Variants in GRID2 observed in about 807,000 individuals in gnomAD.
GRID2 encodes the protein glutamate ionotropic receptor delta type subunit 2.
Under a neutral mutation model 114.8 loss-of-function variants are expected in GRID2, and 33 were observed. That is an observed-to-expected ratio of 0.29 (90% CI 0.22 to 0.38). The LOEUF (loss-of-function observed/expected upper bound fraction) is 0.38, where lower values mean the gene tolerates loss of function less well. Among genes scored for constraint, GRID2 ranks in the 10% least tolerant of loss-of-function variants. The pLI is 1.00. For synonymous variants in GRID2, 505 were observed against 449.9 expected (o/e 1.12, Z -1.55); for missense variants, 1,184 against 1,257.7 (o/e 0.94, Z 0.89).
chr4:92,947,567 T>C (rs1218650335), intron 2 of GRID2, among the ~76,000 whole-genome samples: 1 of 151,928 alleles, frequency 6.6e-6, no homozygotes, highest in African/African-American at 2.4e-5. Flanking sequence ...AAACTGACTA[T>C]ATCTTATGCT....
At chr4:93,469,781 G>A (rs1013957589) in intron 11 of GRID2, among the ~76,000 whole-genome samples, 1 of 152,066 alleles carries the variant, frequency 6.6e-6, no homozygotes, top group Non-Finnish European at 1.5e-5. Flanking sequence ...TATTAGGGCT[G>A]CACTTAATCT....
intron 4 of GRID2, among the ~76,000 whole-genome samples, chr4:93,117,868 C>T (rs887811687): frequency 6.6e-6 from 1 of 152,116 alleles, no homozygotes; most frequent in Non-Finnish European, 1.5e-5. Context: ...AAATAAAGTG[C>T]TTTTAAATAT....
intron 13 of GRID2, among the ~76,000 whole-genome samples, chr4:93,543,046 G>A (rs1732808404): frequency 6.6e-6 from 1 of 152,114 alleles, no homozygotes; most frequent in Non-Finnish European, 1.5e-5. Context: ...AAATGCGAGT[G>A]GTCTCCTAAT....
chr4:93,139,161 G>A (rs1053054398), intron 4 of GRID2, among the ~76,000 whole-genome samples: 2 of 152,172 alleles, frequency 1.3e-5, no homozygotes, highest in African/African-American at 4.8e-5. Flanking sequence ...AGACATGAAT[G>A]TTAATGCAAT....
intron 14 of GRID2, among the ~76,000 whole-genome samples, chr4:93,682,746 A>G (rs1725690756): frequency 7.1e-6 from 1 of 140,170 alleles, no homozygotes; most frequent in Non-Finnish European, 1.5e-5. Context: ...ACACATGGAC[A>G]CAGGAAGGGG....
chr4:92,388,805 G>A (rs984723392), intron 1 of GRID2, among the ~76,000 whole-genome samples: 4 of 151,832 alleles, frequency 2.6e-5, no homozygotes, highest in South Asian at 4.1e-4. Context: ...TTGAATCCCT[G>A]TTACAATTTT....
intron 13 of GRID2, among the ~76,000 whole-genome samples, chr4:93,519,415 C>T (rs965734088): frequency 7.9e-5 from 12 of 152,094 alleles, no homozygotes; most frequent in Non-Finnish European, 1.8e-4. Flanking sequence ...TAGTTACTGG[C>T]ATTAGCACCT....
At position 93,051,509 on chromosome 4, in the gene GRID2, A is replaced by G. The variant is rs934192719; in HGVS notation, c.245-33486A>G. Among the ~76,000 whole-genome samples the G allele has an allele frequency of 3.3e-5, 5 of 152,016 alleles. No homozygotes were observed. The East Asian group carries it at 5.8e-4, about 18-fold the overall frequency. On this transcript the variant is annotated intron_variant, in intron 2 of 15. Transcript: ENST00000282020. ...CAGATGCTCTCTTCATCAAGTGTGC[A>G]AGATAGGTCATTGTGATTCCCTCAA...
intron 1 of GRID2, among the ~76,000 whole-genome samples, chr4:92,308,721 A>T (rs1396493180): frequency 6.6e-6 from 1 of 151,998 alleles, no homozygotes; most frequent in East Asian, 1.9e-4. Context: ...TTCCCAGAAG[A>T]TGTGCTGTTC....
At chr4:92,486,700 A>G (rs1461857668) in intron 1 of GRID2, among the ~76,000 whole-genome samples, 1 of 152,022 alleles carries the variant, frequency 6.6e-6, no homozygotes, top group Non-Finnish European at 1.5e-5. Flanking sequence ...TAAGGGATTA[A>G]TATCCAAAAT....
intron 2 of GRID2, among the ~76,000 whole-genome samples, chr4:92,632,882 G>A (rs62309161): frequency 0.047 from 7,165 of 151,912 alleles, 211 homozygotes; most frequent in East Asian, 0.095. Flanking sequence ...AAATAATTTC[G>A]GATTTCATTA....
chr4:92,444,702 T>A (rs190153972), intron 1 of GRID2, among the ~76,000 whole-genome samples: 85 of 152,296 alleles, frequency 5.6e-4, no homozygotes, highest in Non-Finnish European at 4.0e-4. Flanking sequence ...GTCTTCTCTT[T>A]TTAAATATCC....
intron 1 of GRID2, among the ~76,000 whole-genome samples, chr4:92,413,491 T>C (rs1307501517): frequency 6.6e-6 from 1 of 152,138 alleles, no homozygotes; most frequent in Non-Finnish European, 1.5e-5. Context: ...TAAGATTAGA[T>C]TGTGGGCCAC....
At chr4:93,342,673 A>C (rs1198795496) in intron 8 of GRID2, among the ~76,000 whole-genome samples, 1 of 152,224 alleles carries the variant, frequency 6.6e-6, no homozygotes, top group Non-Finnish European at 1.5e-5. Flanking sequence ...CCTAGTATTA[A>C]AATGAATTTT....
intron 1 of GRID2, among the ~76,000 whole-genome samples, chr4:92,404,263 T>C (rs1730927366): frequency 6.6e-6 from 1 of 152,114 alleles, no homozygotes; most frequent in South Asian, 2.1e-4. Flanking sequence ...AGTCATTGTA[T>C]GAAAGAATGA....
At chr4:93,527,622 A>C (rs1444724572) in intron 13 of GRID2, among the ~76,000 whole-genome samples, 2 of 152,092 alleles carry the variant, frequency 1.3e-5, no homozygotes, top group Non-Finnish European at 2.9e-5. Flanking sequence ...AGCACATCAC[A>C]TTCATAGCTT....
intron 2 of GRID2, among the ~76,000 whole-genome samples, chr4:92,660,968 G>T (rs914781731): frequency 6.6e-6 from 1 of 150,758 alleles, no homozygotes; most frequent in Non-Finnish European, 1.5e-5. Flanking sequence ...CTTTTTGGAG[G>T]CTACTAATTA....
intron 1 of GRID2, among the ~76,000 whole-genome samples, chr4:92,400,213 G>C (rs983947786): frequency 1.1e-4 from 17 of 152,028 alleles, no homozygotes; most frequent in Non-Finnish European, 1.6e-4. Context: ...TAAAACGTTT[G>C]TATCACTCCA....
At chr4:92,420,100 T>C (rs1731825859) in intron 1 of GRID2, among the ~76,000 whole-genome samples, 1 of 152,230 alleles carries the variant, frequency 6.6e-6, no homozygotes, top group South Asian at 2.1e-4. Flanking sequence ...TTTAAAAAAT[T>C]GGTTTCACAA....
Sources: gnomAD v4.1 joint callset for allele counts (sites outside exome capture counted in the v4.1 genomes callset) on GRCh38, gnomAD v4.1.1 for gene constraint, MANE v1.5 for transcripts, NCBI Gene and HGNC (gene_info 2026-07-23, HGNC 2026-07-21) for gene names.